The following HSPA4L variants were observed in gnomAD, a reference collection of about 807,000 sequenced individuals.
The protein encoded by HSPA4L is heat shock protein family A (Hsp70) member 4 like.
HSPA4L carries 48 observed loss-of-function variants against 100.3 expected under a neutral mutation model. That is an observed-to-expected ratio of 0.48 (90% CI 0.38 to 0.61). HSPA4L has a LOEUF of 0.61. Ranked by LOEUF, HSPA4L falls within the 20% of genes least tolerant of loss-of-function variation. HSPA4L has a pLI of 0.00. For missense variants in HSPA4L, 886 were observed against 988.6 expected (o/e 0.90, Z 1.39); for synonymous variants, 319 against 328.2 (o/e 0.97, Z 0.30).
intron 16 of HSPA4L, among the ~76,000 whole-genome samples, chr4:127,824,066 T>G (rs1206255136): frequency 6.6e-6 from 1 of 152,240 alleles, no homozygotes; most frequent in Admixed American, 6.5e-5. Context: ...CTTACCTTTT[T>G]TAGATTCAAC....
In HSPA4L at chr4:127,805,115, G is replaced by A; in HGVS notation, c.1028G>A (p.Gly343Glu). ...EDISSIEIVG[G>E]ATRIPAVKEQ... ...ATTAGTAGTATAGAAATTGTAGGAGGAGCAACACGAATTCCTGCAGTGAAA... is the reference window on the plus strand; with the variant it reads ...ATTAGTAGTATAGAAATTGTAGGAGAAGCAACACGAATTCCTGCAGTGAAA... Residue 343 changes from glycine (G) to glutamate (E), a missense_variant, in exon 9 of 19, where the codon GGA becomes GAA. Gly to Glu is a moderately conservative substitution (Grantham distance 98). Coordinates refer to ENST00000296464, the MANE Select transcript of HSPA4L (RefSeq NM_014278.4). 6.2e-7 allele frequency: 1 copy of A among 1,612,042 alleles called. No individual in the cohort carries two copies. Among genetic ancestry groups the A allele is most frequent in the Non-Finnish European group, 8.5e-7 (1 of 1,178,822 alleles).
intron 12 of HSPA4L, chr4:127,813,186 C>T (rs1733586577): frequency 2.7e-5 from 38 of 1,407,756 alleles, no homozygotes; most frequent in Non-Finnish European, 3.7e-5. Flanking sequence ...TCCTCTTTCC[C>T]TTTGTGTTCG....
At chr4:127,820,782 C>T (rs1466084685) in intron 14 of HSPA4L, among the ~76,000 whole-genome samples, 1 of 152,036 alleles carries the variant, frequency 6.6e-6, no homozygotes, top group Non-Finnish European at 1.5e-5. Context: ...CATGTATTGC[C>T]TCCTCTATAG....
intron 18 of HSPA4L, among the ~76,000 whole-genome samples, chr4:127,831,263 G>C (rs1296671715): frequency 6.6e-6 from 1 of 152,052 alleles, no homozygotes; most frequent in East Asian, 1.9e-4. Flanking sequence ...ACTTTGGGGG[G>C]GTTGAGACAG....
chr4:127,783,409 G>T, intron 1 of HSPA4L: 1 of 1,055,314 alleles, frequency 9.5e-7, no homozygotes. Context: ...AGAGTGAATT[G>T]CCGGAGTCGG....
chr4:127,814,690 T>C (rs1251945406), intron 12 of HSPA4L, among the ~76,000 whole-genome samples: 1 of 152,004 alleles, frequency 6.6e-6, no homozygotes, highest in Non-Finnish European at 1.5e-5. Flanking sequence ...GCCTCAGCCT[T>C]CTAGTAGCTG....
At chr4:127,792,390 G>T (rs1337889942) in intron 1 of HSPA4L, among the ~76,000 whole-genome samples, 1 of 152,118 alleles carries the variant, frequency 6.6e-6, no homozygotes. Context: ...CATTCATTAT[G>T]TAGCTTTATT....
chr4:127,782,095 C>T, upstream of HSPA4L: 1 of 455,778 alleles, frequency 2.2e-6, no homozygotes, highest in Middle Eastern at 3.3e-4. Context: ...CCTCCCCGCC[C>T]CGCCTTCCCG....
rs200747966 is a variant in HSPA4L at position 127,797,602 on chromosome 4, A to ATT, written c.307-969_307-968dup. On this transcript the variant is annotated intron_variant, in intron 3 of 18. Coordinates refer to ENST00000296464, the MANE Select transcript of HSPA4L (RefSeq NM_014278.4). ...TTTATTTCATCTAACTTTAAAAAAA[A>ATT]TTTTTTTTTTTTTTTTTGAGACGGA... Among the ~76,000 whole-genome samples, 442 of 136,736 alleles carry ATT rather than the reference A, an allele frequency of 3.2e-3. 3 individuals carry two copies. The highest frequency in any genetic ancestry group is 6.5e-3 in the African/African-American group (234 of 36,218). 89.7% of individuals were successfully genotyped at this position (136,736 alleles called of 152,430 possible). A position where few individuals can be genotyped will look rare whatever the true frequency, so the allele number is the denominator to read the frequency against.
intron 3 of HSPA4L, among the ~76,000 whole-genome samples, 160 bp from the exon 4 acceptor site, chr4:127,798,427 G>C (rs1472285952): frequency 6.6e-6 from 1 of 152,212 alleles, no homozygotes; most frequent in Middle Eastern, 3.4e-3. Flanking sequence ...GTTTTTAATG[G>C]GATCATGATT....
At position 127,825,926 on chromosome 4, in the gene HSPA4L, CA is replaced by C. The variant is rs78623521; in HGVS notation, c.2047-1361del. Among the ~76,000 whole-genome samples, 526 of 57,242 alleles carry C rather than the reference CA, an allele frequency of 9.2e-3. 2 individuals are homozygous for C. The highest frequency in any genetic ancestry group is 0.027 in the African/African-American group (382 of 14,168). 37.6% of individuals were successfully genotyped at this position (57,242 alleles called of 152,430 possible). A position where few individuals can be genotyped will look rare whatever the true frequency, so the allele number is the denominator to read the frequency against. ...GGGCAACAAGAGCAAAACTCCATCT[CA>C]AAAAAAAAAAAAAAAAAGAAAAAAG... is the stretch of plus-strand genomic sequence containing the variant. On this transcript the variant is annotated intron_variant, in intron 16 of 18. Transcript: ENST00000296464.
At chr4:127,808,817 G>A (rs1266793886) in intron 11 of HSPA4L, among the ~76,000 whole-genome samples, 1 of 152,112 alleles carries the variant, frequency 6.6e-6, no homozygotes, top group Non-Finnish European at 1.5e-5. Flanking sequence ...CAGCTACTCA[G>A]GAGGCTGAGG....
intron 16 of HSPA4L, among the ~76,000 whole-genome samples, chr4:127,824,965 T>A (rs1733909960): frequency 6.6e-6 from 1 of 151,864 alleles, no homozygotes; most frequent in African/African-American, 2.4e-5. Flanking sequence ...TGAAACCCTG[T>A]CTCTACTAAA....
intron 10 of HSPA4L, among the ~76,000 whole-genome samples, chr4:127,806,656 AC>A (rs1733367092): frequency 6.6e-6 from 1 of 151,974 alleles, no homozygotes; most frequent in African/African-American, 2.4e-5. Context: ...TTTTCCATGA[AC>A]TGCCCAGGAT....
At chr4:127,825,962 C>T (rs929359130) in intron 16 of HSPA4L, among the ~76,000 whole-genome samples, 4 of 150,932 alleles carry the variant, frequency 2.7e-5, no homozygotes, top group African/African-American at 9.7e-5. Flanking sequence ...GAAACATAAG[C>T]CAAGCAGCTG....
intron 4 of HSPA4L, among the ~76,000 whole-genome samples, chr4:127,799,851 T>TA (rs1733126609): frequency 6.6e-6 from 1 of 152,216 alleles, no homozygotes; most frequent in Non-Finnish European, 1.5e-5. Context: ...GCTCAATGAA[T>TA]ATTAAATGAA....
chr4:127,812,335 G>C (rs909558028), intron 12 of HSPA4L, among the ~76,000 whole-genome samples: 3 of 151,426 alleles, frequency 2.0e-5, no homozygotes, highest in African/African-American at 7.3e-5. Flanking sequence ...CGTGAACCCG[G>C]GAGGCGGAGT....
chr4:127,782,854 C>T (rs895852835), intron 1 of HSPA4L, among the ~76,000 whole-genome samples, 197 bp downstream of exon 1: 1 of 152,136 alleles, frequency 6.6e-6, no homozygotes, highest in African/African-American at 2.4e-5. Flanking sequence ...CGCAAAGCTT[C>T]TTTTCCTTCA....
intron 1 of HSPA4L, among the ~76,000 whole-genome samples, chr4:127,789,009 TG>T (rs1732796449): frequency 6.6e-6 from 1 of 152,336 alleles, no homozygotes; most frequent in South Asian, 2.1e-4. Flanking sequence ...GAGTGAGGAT[TG>T]AATCTTAATG....
Sources: allele counts gnomAD v4.1 joint callset (sites outside exome capture counted in the v4.1 genomes callset), GRCh38; gene constraint gnomAD v4.1.1; transcripts MANE v1.5; gene names NCBI Gene and HGNC (gene_info 2026-07-23, HGNC 2026-07-21).